Variants in DSCAM observed in about 807,000 individuals in gnomAD.
The protein encoded by DSCAM is cell adhesion molecule DSCAM.
Under a neutral mutation model 217.7 loss-of-function variants are expected in DSCAM, and 47 were observed. The ratio of observed to expected loss-of-function variants is 0.22; its 90% CI spans 0.17 to 0.28. DSCAM has a LOEUF of 0.28. Ranked by LOEUF, DSCAM falls within the 10% of genes least tolerant of loss-of-function variation. The pLI is 1.00. For missense variants in DSCAM, 2,080 were observed against 2,618.3 expected (o/e 0.79, Z 4.49); for synonymous variants, 1,056 against 1,015.3 (o/e 1.04, Z -0.76).
intron 20 of DSCAM, among the ~76,000 whole-genome samples, chr21:40,121,087 T>A (rs890879183): frequency 1.3e-5 from 2 of 152,070 alleles, no homozygotes; most frequent in African/African-American, 2.4e-5. Flanking sequence ...GAAAAAAAAA[T>A]TCAGATTTAT....
At chr21:40,151,343 C>A (rs555166348) in intron 16 of DSCAM, among the ~76,000 whole-genome samples, 37 of 152,278 alleles carry the variant, frequency 2.4e-4, no homozygotes, top group Admixed American at 1.0e-3. Context: ...AAGAAGCCTT[C>A]TCCCTCCCTG....
chr21:40,036,023 G>A (rs200971832), intron 32 of DSCAM, among the ~76,000 whole-genome samples: 1 of 115,818 alleles, frequency 8.6e-6, no homozygotes, highest in Non-Finnish European at 1.9e-5. Context: ...GCAGTGTATA[G>A]AGGGAAATTT....
chr21:40,803,202 T>C (rs1017592875), intron 1 of DSCAM, among the ~76,000 whole-genome samples: 2 of 152,230 alleles, frequency 1.3e-5, no homozygotes, highest in Admixed American at 1.3e-4. Flanking sequence ...TTTTTCAAAA[T>C]AATTATGGAA....
chr21:40,528,386 G>A (rs889865342), intron 3 of DSCAM, among the ~76,000 whole-genome samples: 1 of 151,972 alleles, frequency 6.6e-6, no homozygotes, highest in African/African-American at 2.4e-5. Flanking sequence ...GTAATTACTG[G>A]CCTGTTATTT....
At chr21:40,823,529 AC>A (rs1337156088) in intron 1 of DSCAM, among the ~76,000 whole-genome samples, 1 of 152,126 alleles carries the variant, frequency 6.6e-6, no homozygotes, top group Admixed American at 6.5e-5. Flanking sequence ...ATACTACATA[AC>A]AAAAAATATA....
chr21:40,232,096 C>A (rs1256384348), intron 11 of DSCAM, among the ~76,000 whole-genome samples: 1 of 152,118 alleles, frequency 6.6e-6, no homozygotes, highest in African/African-American at 2.4e-5. Context: ...ATTTTATAAA[C>A]AGTGCATGTT....
intron 18 of DSCAM, among the ~76,000 whole-genome samples, chr21:40,142,104 G>A (rs2072838638): frequency 6.6e-6 from 1 of 151,900 alleles, no homozygotes; most frequent in African/African-American, 2.4e-5. Context: ...CCCCTCCTGA[G>A]TGCCCCCCTC....
At chr21:40,677,599 T>C (rs542882316) in intron 3 of DSCAM, among the ~76,000 whole-genome samples, 1 of 152,136 alleles carries the variant, frequency 6.6e-6, no homozygotes, top group Non-Finnish European at 1.5e-5. Context: ...ATTAAAAAAA[T>C]ATGTATATCG....
intron 3 of DSCAM, among the ~76,000 whole-genome samples, chr21:40,497,631 T>C (rs1568853645): frequency 1.3e-5 from 2 of 152,314 alleles, no homozygotes; most frequent in South Asian, 2.1e-4. Context: ...GTTCTGAGCA[T>C]AAAAATAAGT....
intron 27 of DSCAM, among the ~76,000 whole-genome samples, chr21:40,063,786 C>T (rs1372032287): frequency 6.6e-6 from 1 of 152,078 alleles, no homozygotes; most frequent in African/African-American, 2.4e-5. Context: ...GACAATTAAA[C>T]GTAGTCAGTT....
chr21:40,600,378 G>C (rs775720452), intron 3 of DSCAM, among the ~76,000 whole-genome samples: 9 of 152,154 alleles, frequency 5.9e-5, no homozygotes, highest in Admixed American at 1.3e-4. Context: ...TGGTGGAAGA[G>C]ACAAGGCAGC....
At chr21:40,013,698 A>G (rs1568887194) in intron 32 of DSCAM, among the ~76,000 whole-genome samples, 1 of 152,198 alleles carries the variant, frequency 6.6e-6, no homozygotes, top group African/African-American at 2.4e-5. Flanking sequence ...AAAAACATAC[A>G]TCAAAGGCAT....
intron 4 of DSCAM, among the ~76,000 whole-genome samples, chr21:40,358,194 C>G (rs2074716991): frequency 6.6e-6 from 1 of 152,172 alleles, no homozygotes. Context: ...AATGACTGCA[C>G]TTAAAAAGTT....
At chr21:40,369,960 T>C (rs565692548) in intron 3 of DSCAM, among the ~76,000 whole-genome samples, 1 of 152,234 alleles carries the variant, frequency 6.6e-6, no homozygotes, top group South Asian at 2.1e-4. Context: ...AAATTCATGA[T>C]CAGTCATTCC....
At chr21:40,357,633 C>T (rs1405227836) in intron 4 of DSCAM, among the ~76,000 whole-genome samples, 1 of 152,016 alleles carries the variant, frequency 6.6e-6, no homozygotes, top group East Asian at 1.9e-4. Context: ...CTCTATTATT[C>T]TGAACTCTGT....
At chr21:40,363,911 A>G (rs2074797039) in intron 4 of DSCAM, among the ~76,000 whole-genome samples, 1 of 152,234 alleles carries the variant, frequency 6.6e-6, no homozygotes, top group African/African-American at 2.4e-5. Context: ...TATGCAGCCA[A>G]AAGACACATG....
chr21:40,321,632 T>TC (rs1443885703), intron 8 of DSCAM, among the ~76,000 whole-genome samples: 1 of 150,130 alleles, frequency 6.7e-6, no homozygotes, highest in African/African-American at 2.4e-5. Context: ...TTTTTTTTTT[T>TC]CATCTTTCTG....
chr21:40,043,996 C>T, intron 31 of DSCAM, 82 bp downstream of exon 31: 2 of 1,440,092 alleles, frequency 1.4e-6, no homozygotes, highest in South Asian at 2.4e-5. Flanking sequence ...GCCCTCTCTC[C>T]CCTCCCCAAG....
At chr21:40,302,466 T>C (rs532166012) in intron 9 of DSCAM, among the ~76,000 whole-genome samples, 1 of 152,308 alleles carries the variant, frequency 6.6e-6, no homozygotes, top group African/African-American at 2.4e-5. Context: ...TTTTTCTTTA[T>C]AAATTAGCCA....
Sources: allele counts gnomAD v4.1 joint callset (sites outside exome capture counted in the v4.1 genomes callset), GRCh38; gene constraint gnomAD v4.1.1; transcripts MANE v1.5; gene names NCBI Gene and HGNC (gene_info 2026-07-23, HGNC 2026-07-21).